PALLD: variants seen among roughly 807,000 people sequenced by gnomAD.
PALLD encodes palladin.
Under a neutral mutation model 123.5 loss-of-function variants are expected in PALLD, and 61 were observed. The observed-to-expected ratio is 0.49, with a 90% CI of 0.40 to 0.61. PALLD has a LOEUF of 0.61. Among genes scored for constraint, PALLD ranks in the 20% least tolerant of loss-of-function variants. PALLD has a pLI of 0.00. For missense variants in PALLD, 1,273 were observed against 1,377.0 expected, an observed-to-expected ratio of 0.92 and a Z score of 1.20; for synonymous variants, 465 against 496.4, an observed-to-expected ratio of 0.94 and a Z score of 0.84.
chr4:168,660,602 A>G (rs1779034511), intron 2 of PALLD, among the ~76,000 whole-genome samples: 1 of 152,034 alleles, frequency 6.6e-6, no homozygotes, highest in Non-Finnish European at 1.5e-5. Context: ...ATACACACAC[A>G]CACACACATA....
intron 10 of PALLD, among the ~76,000 whole-genome samples, chr4:168,821,537 C>T (rs745461785): frequency 6.6e-6 from 1 of 151,676 alleles, no homozygotes; most frequent in Non-Finnish European, 1.5e-5. Flanking sequence ...TACAGATATA[C>T]ACAAAGAGAG....
At chr4:168,832,084 C>A in intron 10 of PALLD, 1 of 985,448 alleles carries the variant, frequency 1.0e-6, no homozygotes, top group Non-Finnish European at 1.2e-6. Flanking sequence ...GATACCTGCC[C>A]CGCGCCCGGT....
chr4:168,758,539 A>G (rs561931448), intron 10 of PALLD, among the ~76,000 whole-genome samples: 7 of 152,258 alleles, frequency 4.6e-5, no homozygotes, highest in African/African-American at 1.7e-4. Context: ...TTCAGCATGA[A>G]TCATGCAAAC....
intron 3 of PALLD, among the ~76,000 whole-genome samples, chr4:168,672,167 G>C (rs1780344046): frequency 6.6e-6 from 1 of 152,118 alleles, no homozygotes; most frequent in African/African-American, 2.4e-5. Context: ...GTTATGCTTT[G>C]ATACATATTA....
At chr4:168,554,055 G>A (rs1301195818) in intron 2 of PALLD, among the ~76,000 whole-genome samples, 1 of 152,230 alleles carries the variant, frequency 6.6e-6, no homozygotes, top group East Asian at 1.9e-4. Flanking sequence ...ACTGAGGCCA[G>A]CGCAGTGCCT....
Position 168,926,690 on chromosome 4 carries a change from C to T in PALLD, c.*510C>T, listed in dbSNP as rs936005347. On this transcript the variant is annotated 3_prime_UTR_variant, in exon 22 of 22. Coordinates refer to ENST00000505667, the MANE Select transcript of PALLD (RefSeq NM_001166108.2). ...GAAATCAATTGTTCACAGGTAACTACAATTTGTATTATCTACAAGTGCCTT... is the reference window on the plus strand; with the variant it reads ...GAAATCAATTGTTCACAGGTAACTATAATTTGTATTATCTACAAGTGCCTT... The T allele has an allele frequency of 2.9e-6, 1 of 345,024 alleles. No individual in the cohort carries two copies. The highest frequency in any genetic ancestry group is 5.4e-6 in the Non-Finnish European group (1 of 185,772). 21.4% of individuals were successfully genotyped at this position (345,024 alleles called of 1,614,324 possible).
At chr4:168,866,017 C>T (rs967043866) in intron 10 of PALLD, among the ~76,000 whole-genome samples, 2 of 151,924 alleles carry the variant, frequency 1.3e-5, no homozygotes, top group Admixed American at 1.3e-4. Context: ...TGGTGGCTCA[C>T]ACCTGTAATC....
chr4:168,828,204 T>C (rs1743688316), intron 10 of PALLD, among the ~76,000 whole-genome samples: 1 of 152,204 alleles, frequency 6.6e-6, no homozygotes, highest in Admixed American at 6.5e-5. Flanking sequence ...GCCAGGAATC[T>C]TCTAGGAAAA....
intron 2 of PALLD, among the ~76,000 whole-genome samples, chr4:168,575,459 C>G (rs187309133): frequency 6.6e-6 from 1 of 151,906 alleles, no homozygotes; most frequent in Non-Finnish European, 1.5e-5. Flanking sequence ...TGGGGGAAAC[C>G]GCCCCCATGA....
intron 15 of PALLD, among the ~76,000 whole-genome samples, chr4:168,910,563 G>C (rs1758721374): frequency 1.3e-5 from 2 of 152,128 alleles, no homozygotes; most frequent in African/African-American, 2.4e-5. Context: ...CATAGTGAGT[G>C]CTACAATAAT....
intron 10 of PALLD, among the ~76,000 whole-genome samples, chr4:168,883,964 A>G (rs1258855268): frequency 6.8e-6 from 1 of 147,388 alleles, no homozygotes; most frequent in Non-Finnish European, 1.5e-5. Context: ...AAAAAAGGAG[A>G]TCATGTCTTT....
rs755942969 is a variant in PALLD at position 168,658,284 on chromosome 4, G to GTTTTTTTTTTTTTTTTT, written c.909-9906_909-9905insTTTTTTTTTTTTTTTTT. 1.7e-4 allele frequency among the ~76,000 whole-genome samples: 21 copies of GTTTTTTTTTTTTTTTTT among 120,734 alleles called. 2 individuals carry two copies. The highest frequency in any genetic ancestry group is 4.5e-4 in the African/African-American group (13 of 28,954). 79.2% of individuals were successfully genotyped at this position (120,734 alleles called of 152,430 possible). On this transcript the variant is annotated intron_variant, in intron 2 of 21. Coordinates refer to ENST00000505667, the MANE Select transcript of PALLD (RefSeq NM_001166108.2). Reference sequence around the variant, plus strand: ...TTTTGTTGGTGGTGGGTTTTTATTTGGTTTTTTTTTTTTTTTTTGTGATGA... The same window carrying GTTTTTTTTTTTTTTTTT: ...TTTTGTTGGTGGTGGGTTTTTATTTGTTTTTTTTTTTTTTTTTGTTTTTTTTTTTTTTTTTGTGATGA...
At chr4:168,609,586 G>T (rs990709668) in intron 2 of PALLD, among the ~76,000 whole-genome samples, 1 of 152,140 alleles carries the variant, frequency 6.6e-6, no homozygotes, top group African/African-American at 2.4e-5. Flanking sequence ...GCCTTCATGC[G>T]GGGGTATCAG....
At position 168,677,138 on chromosome 4, in the gene PALLD, A is replaced by T. The variant is rs554946520; in HGVS notation, c.1088-4194A>T. Among the ~76,000 whole-genome samples, 36 of 152,206 alleles carry T rather than the reference A, an allele frequency of 2.4e-4. No homozygotes were observed. In the South Asian group the frequency reaches 7.3e-3, roughly 31 times the overall value. Reference sequence around the variant, plus strand: ...CAAAACTGAAAGTGACGGTTAATAAATATGGAGAAAGACGTTAACCTGAGA... The same window carrying T: ...CAAAACTGAAAGTGACGGTTAATAATTATGGAGAAAGACGTTAACCTGAGA... On this transcript the variant is annotated intron_variant, in intron 3 of 21. Transcript: ENST00000505667.
At chr4:168,787,685 G>A (rs1736938080) in intron 10 of PALLD, among the ~76,000 whole-genome samples, 4 of 152,186 alleles carry the variant, frequency 2.6e-5, no homozygotes, top group Admixed American at 6.5e-5. Flanking sequence ...GAACACTTGT[G>A]TATAAAAAGG....
chr4:168,545,865 G>A (rs1019932965), intron 2 of PALLD, among the ~76,000 whole-genome samples: 3 of 152,158 alleles, frequency 2.0e-5, no homozygotes, highest in Non-Finnish European at 4.4e-5. Context: ...CAATTATGAT[G>A]GGAAAGGTGG....
At chr4:168,561,776 C>T (rs931578955) in intron 2 of PALLD, among the ~76,000 whole-genome samples, 3 of 152,060 alleles carry the variant, frequency 2.0e-5, no homozygotes, top group African/African-American at 7.2e-5. Flanking sequence ...GAGTGGTTCC[C>T]ATCCATTGAT....
At chr4:168,801,195 A>G (rs1356544674) in intron 10 of PALLD, among the ~76,000 whole-genome samples, 2 of 152,122 alleles carry the variant, frequency 1.3e-5, no homozygotes, top group African/African-American at 4.8e-5. Context: ...ACACACAGGA[A>G]TCTTCTGTTC....
chr4:168,548,944 T>C (rs1766447799), intron 2 of PALLD, among the ~76,000 whole-genome samples: 1 of 151,530 alleles, frequency 6.6e-6, no homozygotes, highest in South Asian at 2.1e-4. Flanking sequence ...GCCCAGGAGG[T>C]TGTTGTAGTG....
Sources: gnomAD v4.1 joint callset for allele counts (sites outside exome capture counted in the v4.1 genomes callset) on GRCh38, gnomAD v4.1.1 for gene constraint, MANE v1.5 for transcripts, NCBI Gene and HGNC (gene_info 2026-07-23, HGNC 2026-07-21) for gene names.